The following GSE1 variants were observed in gnomAD, a reference collection of about 807,000 sequenced individuals.
The protein encoded by GSE1 is genetic suppressor element 1.
A neutral mutation model predicts 112.6 loss-of-function variants in GSE1; 32 were observed. The observed-to-expected ratio is 0.28, with a 90% CI of 0.21 to 0.38. The LOEUF is 0.38. Among genes scored for constraint, GSE1 ranks in the 10% least tolerant of loss-of-function variants. The probability of loss-of-function intolerance (pLI) is 1.00; values close to 1 mark genes in which losing one functional copy is unlikely to be tolerated. For synonymous variants in GSE1, 1,115 were observed against 735.6 expected (o/e 1.52, Z -8.35); for missense variants, 2,348 against 1,699.2 (o/e 1.38, Z -6.71).
intron 2 of GSE1, among the ~76,000 whole-genome samples, chr16:85,450,013 G>A (rs2049629364): frequency 6.6e-6 from 1 of 151,966 alleles, no homozygotes; most frequent in African/African-American, 2.4e-5. Flanking sequence ...TCAGCCCCTT[G>A]GTGTAGAATC....
At chr16:85,500,188 T>C (rs962924122) in intron 2 of GSE1, among the ~76,000 whole-genome samples, 4 of 152,196 alleles carry the variant, frequency 2.6e-5, no homozygotes, top group African/African-American at 7.2e-5. Flanking sequence ...CGAGGCCCGC[T>C]CAGTCTGGAA....
intron 1 of GSE1, among the ~76,000 whole-genome samples, chr16:85,293,511 A>T (rs1178015903): frequency 2.0e-5 from 3 of 152,180 alleles, no homozygotes; most frequent in South Asian, 4.1e-4. Flanking sequence ...GAGCCCCTGC[A>T]TTCCAGCCCA....
chr16:85,494,604 A>G (rs78089486), intron 2 of GSE1, among the ~76,000 whole-genome samples: 12,397 of 152,052 alleles, frequency 0.082, 931 homozygotes, highest in East Asian at 0.37. Context: ...GGGTTTTGCC[A>G]TGTTGCCCAA....
At chr16:85,551,770 C>A (rs749667725), upstream of GSE1, among the ~76,000 whole-genome samples, 32 of 152,370 alleles carry the variant, frequency 2.1e-4, no homozygotes, top group Middle Eastern at 3.4e-3. Context: ...TTACAGCTCT[C>A]CTTCCCGAGG....
chr16:85,644,769 G>A (rs769836097), intron 2 of GSE1, among the ~76,000 whole-genome samples: 28 of 151,994 alleles, frequency 1.8e-4, no homozygotes, highest in Non-Finnish European at 3.2e-4. Flanking sequence ...GTGGGGCCGC[G>A]CGCTGGGTGG....
At chr16:85,313,961 GTGTGTGTGACACAGCCTAGTGTGTGTA>G (rs1433572908) in intron 1 of GSE1, among the ~76,000 whole-genome samples, 59 of 151,508 alleles carry the variant, frequency 3.9e-4, no homozygotes, top group African/African-American at 1.4e-3. Flanking sequence ...ATAGCCTAGT[GTGTGTGTGACACAGCCTAGTGTGTGTA>G]TGTGTGTGTG....
At chr16:85,417,639 C>T (rs1434206416) in intron 2 of GSE1, among the ~76,000 whole-genome samples, 2 of 152,244 alleles carry the variant, frequency 1.3e-5, no homozygotes, top group East Asian at 1.9e-4. Flanking sequence ...CCAGATGTCC[C>T]TGGGTATGGA....
Position 85,654,804 on chromosome 16 carries a change from C to T in GSE1, c.610C>T (p.Pro204Ser). The T allele has an allele frequency of 1.2e-6, 2 of 1,610,008 alleles. No individual in the cohort carries two copies. Among genetic ancestry groups the T allele is most frequent in the Non-Finnish European group, 1.7e-6 (2 of 1,178,174 alleles). ...TATCCCCGCCTGCAGCCTCCAGCGG[C>T]CCGTGCACCACGTGGTGCCCCCCAG... Reference protein sequence around the residue: ...SRFPPLNLQRPVHHVVPPSTV... With the variant: ...SRFPPLNLQRSVHHVVPPSTV... The change falls in exon 5 of 16, where the codon CCC (proline) becomes TCC (serine). Residue 204 changes from proline to serine, a missense_variant. Coordinates refer to ENST00000253458, the MANE Select transcript of GSE1 (RefSeq NM_014615.5).
At chr16:85,435,833 T>C (rs1280152769) in intron 2 of GSE1, among the ~76,000 whole-genome samples, 1 of 152,128 alleles carries the variant, frequency 6.6e-6, no homozygotes, top group Non-Finnish European at 1.5e-5. Flanking sequence ...GTGCACCCAG[T>C]GGGCCCTTCG....
rs574300588 is a variant in GSE1, at chr16:85,338,853, C to T, written c.2284-18610C>T. On this transcript the variant is annotated intron_variant, in intron 1 of 2. Transcript: ENST00000637419. ...GTGAAGCAGGGCAAGCTGTGATGGA[C>T]AGGTGCTGCTGCCGGTGGCGTTACT... is the stretch of plus-strand genomic sequence containing the variant. Among the ~76,000 whole-genome samples, 7 of 152,328 alleles carry T rather than the reference C, an allele frequency of 4.6e-5. No individual in the cohort carries two copies. In the East Asian group the frequency reaches 1.4e-3, roughly 29 times the overall value.
At chr16:85,371,558 G>A (rs531269296) in intron 2 of GSE1, among the ~76,000 whole-genome samples, 10 of 152,298 alleles carry the variant, frequency 6.6e-5, no homozygotes, top group African/African-American at 9.6e-5. Flanking sequence ...CTAAGGGGGC[G>A]TGGCAGGGCC....
At chr16:85,669,794 A>C (rs946443393) in intron 14 of GSE1, among the ~76,000 whole-genome samples, 1 of 152,136 alleles carries the variant, frequency 6.6e-6, no homozygotes, top group Non-Finnish European at 1.5e-5. Flanking sequence ...AGAAATCTTA[A>C]CTGTACCTTT....
chr16:85,645,673 A>G (rs1429039578), intron 2 of GSE1, among the ~76,000 whole-genome samples: 1 of 152,086 alleles, frequency 6.6e-6, no homozygotes, highest in Admixed American at 6.5e-5. Context: ...GCGCGTGCCC[A>G]CTCCGGACAC....
intron 2 of GSE1, among the ~76,000 whole-genome samples, chr16:85,495,791 C>T (rs2051156473): frequency 6.6e-6 from 1 of 152,166 alleles, no homozygotes. Context: ...AGCCACTACG[C>T]CCAGCCATGC....
Position 85,634,125 on chromosome 16 carries a change from G to T in GSE1, c.219G>T (p.Glu73Asp), listed in dbSNP as rs1412373474. Residue 73 changes from glutamate to aspartate, a missense_variant, in exon 2 of 16, where the codon GAG becomes GAT. By Grantham distance (45) the Glu-to-Asp change is conservative. Coordinates refer to ENST00000253458, the MANE Select transcript of GSE1 (RefSeq NM_014615.5). ...ALRKLAKQAEEPRGSSLSSES... is the reference protein window; with the variant it reads ...ALRKLAKQAEDPRGSSLSSES... The stretch of plus-strand genomic sequence containing the variant: ...GCAAGCTCGCCAAACAGGCGGAGGA[G>T]CCCAGAGGTAAGGGGGCCCGCCAGG... 6.6e-7 allele frequency: 1 copy of T among 1,515,572 alleles called. No homozygotes were observed. The highest frequency in any genetic ancestry group is 2.2e-5 in the Admixed American group (1 of 45,552). 93.9% of individuals were successfully genotyped at this position (1,515,572 alleles called of 1,614,324 possible).
chr16:85,579,898 A>G (rs555180300), intron 1 of GSE1: 35 of 152,350 alleles, frequency 2.3e-4, no homozygotes, highest in Middle Eastern at 3.4e-3. Context: ...TAGGCACTAC[A>G]CACTAGTCAC....
chr16:85,649,915 C>A (rs562890809), intron 3 of GSE1, among the ~76,000 whole-genome samples: 1 of 152,290 alleles, frequency 6.6e-6, no homozygotes, highest in Non-Finnish European at 1.5e-5. Flanking sequence ...CAGCCTCAGT[C>A]CACAGGTGAC....
At chr16:85,384,250 A>G (rs1352183729) in intron 2 of GSE1, among the ~76,000 whole-genome samples, 1 of 152,124 alleles carries the variant, frequency 6.6e-6, no homozygotes, top group Non-Finnish European at 1.5e-5. Context: ...GAGGAGCAAG[A>G]AACACACGTG....
intron 2 of GSE1, among the ~76,000 whole-genome samples, chr16:85,365,808 GC>G (rs1460160560): frequency 1.3e-5 from 2 of 152,348 alleles, no homozygotes; most frequent in South Asian, 4.1e-4. Flanking sequence ...GCTGTGGATG[GC>G]TTTCAGTGTG....
Sources: gnomAD v4.1 joint callset for allele counts (sites outside exome capture counted in the v4.1 genomes callset) on GRCh38, gnomAD v4.1.1 for gene constraint, MANE v1.5 for transcripts, NCBI Gene and HGNC (gene_info 2026-07-23, HGNC 2026-07-21) for gene names.